The following MITF variants were observed in gnomAD, a reference collection of about 807,000 sequenced individuals.
MITF encodes the protein microphthalmia-associated transcription factor.
Under a neutral mutation model 60.5 loss-of-function variants are expected in MITF, and 17 were observed. That is an observed-to-expected ratio of 0.28 (90% CI 0.19 to 0.42). The LOEUF (loss-of-function observed/expected upper bound fraction) is 0.42. Ranked by LOEUF, MITF falls within the 10% of genes least tolerant of loss-of-function variation. MITF has a pLI of 1.00. For synonymous variants in MITF, 260 were observed against 248.5 expected (o/e 1.05, Z -0.43); for missense variants, 622 against 683.5 (o/e 0.91, Z 1.00).
chr3:69,939,691 A>G (rs532400024), intron 4 of MITF, among the ~76,000 whole-genome samples: 1 of 152,288 alleles, frequency 6.6e-6, no homozygotes, highest in East Asian at 1.9e-4. Flanking sequence ...ATCTATTTAT[A>G]TATCTATGCA....
At chr3:69,828,773 A>G (rs569112141) in intron 1 of MITF, among the ~76,000 whole-genome samples, 1 of 152,204 alleles carries the variant, frequency 6.6e-6, no homozygotes, top group Non-Finnish European at 1.5e-5. Context: ...ATAATCATGT[A>G]TGAACATATT....
chr3:69,937,698 A>G (rs751436904), intron 2 of MITF, 124 bp from the exon 3 acceptor site: 537 of 826,094 alleles, frequency 6.5e-4, no homozygotes, highest in Middle Eastern at 8.2e-4. Flanking sequence ...CTGGTACATA[A>G]CAAAGGCTTA....
At chr3:69,877,434 A>G (rs1167810718) in intron 1 of MITF, among the ~76,000 whole-genome samples, 1 of 151,268 alleles carries the variant, frequency 6.6e-6, no homozygotes, top group Non-Finnish European at 1.5e-5. Flanking sequence ...TTTTGTTGTC[A>G]TAGACAGTTT....
At chr3:69,816,570 A>G (rs1249339602) in intron 1 of MITF, among the ~76,000 whole-genome samples, 1 of 152,162 alleles carries the variant, frequency 6.6e-6, no homozygotes, top group Non-Finnish European at 1.5e-5. Flanking sequence ...AACAATTTTT[A>G]TGTAAGACCA....
chr3:69,746,892 C>A (rs1703747342), intron 1 of MITF, among the ~76,000 whole-genome samples: 1 of 152,124 alleles, frequency 6.6e-6, no homozygotes, highest in Non-Finnish European at 1.5e-5. Flanking sequence ...GGAGGAGGAC[C>A]AGGTTTGGCT....
At chr3:69,885,648 G>T (rs1297295801) in intron 2 of MITF, among the ~76,000 whole-genome samples, 1 of 152,078 alleles carries the variant, frequency 6.6e-6, no homozygotes, top group Non-Finnish European at 1.5e-5. Flanking sequence ...AACAGTATAT[G>T]TGTCTTTTAA....
At chr3:69,950,607 A>G (rs1332376905) in intron 6 of MITF, among the ~76,000 whole-genome samples, 1 of 145,640 alleles carries the variant, frequency 6.9e-6, no homozygotes, top group Non-Finnish European at 1.5e-5. Flanking sequence ...TAACACCCAT[A>G]TAATAAATAT....
intron 1 of MITF, among the ~76,000 whole-genome samples, chr3:69,764,238 A>G (rs552460408): frequency 6.6e-4 from 101 of 152,332 alleles, no homozygotes; most frequent in African/African-American, 2.4e-3. Flanking sequence ...TGCAAAGTGC[A>G]TTAATTTTCC....
intron 2 of MITF, among the ~76,000 whole-genome samples, chr3:69,937,352 T>G (rs2065862992): frequency 6.7e-6 from 1 of 150,232 alleles, no homozygotes; most frequent in Admixed American, 6.6e-5. Context: ...TTTACACAGT[T>G]GGTTCTTAAG....
intron 1 of MITF, among the ~76,000 whole-genome samples, chr3:69,857,233 T>A (rs1440785485): frequency 6.6e-6 from 1 of 152,100 alleles, no homozygotes; most frequent in African/African-American, 2.4e-5. Context: ...TTGGGTAGAT[T>A]ACAAAAACTT....
At chr3:69,760,069 C>T (rs990827649) in intron 1 of MITF, among the ~76,000 whole-genome samples, 1 of 152,202 alleles carries the variant, frequency 6.6e-6, no homozygotes, top group Non-Finnish European at 1.5e-5. Flanking sequence ...TGAGCCACTG[C>T]GCCCAGCCCT....
intron 7 of MITF, among the ~76,000 whole-genome samples, chr3:69,953,026 T>A (rs2066294627): frequency 6.6e-6 from 1 of 152,184 alleles, no homozygotes; most frequent in Admixed American, 6.5e-5. Flanking sequence ...CAAGAAAGTT[T>A]GTTTCTCTAG....
chr3:69,781,577 G>A (rs1325385475), intron 1 of MITF, among the ~76,000 whole-genome samples: 2 of 152,220 alleles, frequency 1.3e-5, no homozygotes, highest in South Asian at 2.1e-4. Context: ...TTGAAAACGT[G>A]TACAAAATGT....
intron 1 of MITF, among the ~76,000 whole-genome samples, chr3:69,862,247 G>C (rs148706672): frequency 6.6e-6 from 1 of 152,210 alleles, no homozygotes; most frequent in East Asian, 1.9e-4. Context: ...TTTTAAGGAG[G>C]TGGGGTAAGG....
At chr3:69,937,710 T>C in intron 2 of MITF, 112 bp from the exon 3 acceptor site, 1 of 877,560 alleles carries the variant, frequency 1.1e-6, no homozygotes, top group Non-Finnish European at 1.9e-6. Context: ...AAAGGCTTAA[T>C]AATTTATTCT....
At chr3:69,840,478 TGTG>T (rs1301526555) in intron 1 of MITF, among the ~76,000 whole-genome samples, 159 of 152,102 alleles carry the variant, frequency 1.0e-3, no homozygotes, top group African/African-American at 3.6e-3. Flanking sequence ...AAGAATAAAA[TGTG>T]ATGGAGATTG....
At chr3:69,912,322 A>G (rs73117306) in intron 2 of MITF, among the ~76,000 whole-genome samples, 14,992 of 152,264 alleles carry the variant, frequency 0.098, 940 homozygotes, top group Non-Finnish European at 0.13. Context: ...AATATTTAAT[A>G]CAAAGCAAAC....
At chr3:69,830,994 C>G (rs1243745560) in intron 1 of MITF, among the ~76,000 whole-genome samples, 2 of 152,044 alleles carry the variant, frequency 1.3e-5, no homozygotes, top group Admixed American at 6.5e-5. Flanking sequence ...TGGATAAGAC[C>G]TTAGGCAAGT....
intron 2 of MITF, chr3:69,937,320 TA>T (rs931438716): frequency 1.2e-5 from 2 of 168,416 alleles, no homozygotes; most frequent in Admixed American, 1.1e-4. Context: ...TTGGAAGATT[TA>T]TATTTATTTT....
Sources: allele counts gnomAD v4.1 joint callset (sites outside exome capture counted in the v4.1 genomes callset), GRCh38; gene constraint gnomAD v4.1.1; transcripts MANE v1.5; gene names NCBI Gene and HGNC (gene_info 2026-07-23, HGNC 2026-07-21).